SPRY3: variants seen among roughly 807,000 people sequenced by gnomAD.
The protein encoded by SPRY3 is protein sprouty homolog 3.
A neutral mutation model predicts 20.2 loss-of-function variants in SPRY3; 15 were observed. That is an observed-to-expected ratio of 0.74 (90% CI 0.50 to 1.14). SPRY3 has a LOEUF of 1.14. SPRY3 is among the 50% of genes most tolerant of loss of function. The pLI is 0.00. For missense variants in SPRY3, 364 were observed against 363.9 expected, an observed-to-expected ratio of 1.00 and a Z score of 0.00; for synonymous variants, 143 against 136.5, an observed-to-expected ratio of 1.05 and a Z score of -0.33.
intron 1 of SPRY3, among the ~76,000 whole-genome samples, chrX:155,635,343 A>T (rs1380527311): frequency 9.0e-6 from 1 of 111,374 alleles, no homozygotes; most frequent in Non-Finnish European, 1.9e-5. Context: ...GCCACAATAG[A>T]CATACATGTG....
chrX:155,731,287 G>A (rs1199070759), intron 2 of SPRY3, among the ~76,000 whole-genome samples: 1 of 152,036 alleles, frequency 6.6e-6, no homozygotes, highest in African/African-American at 2.4e-5. Flanking sequence ...AAAGAAAACA[G>A]CATGATACTG....
Position 155,684,331 on chromosome X carries a change from T to C in SPRY3, c.-282+27306T>C, listed in dbSNP as rs751344696. Among the ~76,000 whole-genome samples the C allele has an allele frequency of 2.0e-4, 22 of 111,344 alleles. No homozygotes were observed. The East Asian group carries it at 6.0e-3, about 30-fold the overall frequency. On this transcript the variant is annotated intron_variant, in intron 2 of 3. Transcript: ENST00000675360. ...AAGGCCAAGGAGCTTGGGATCCAGC[T>C]TGCAGCAGGTGAAGGGACTGGTCTT...
At chrX:155,672,583 G>A (rs1487464037) in intron 2 of SPRY3, among the ~76,000 whole-genome samples, 1 of 109,923 alleles carries the variant, frequency 9.1e-6, no homozygotes, top group Admixed American at 9.6e-5. Flanking sequence ...TGGAGAGGAT[G>A]TGGAGAAATA....
intron 2 of SPRY3, among the ~76,000 whole-genome samples, chrX:155,756,286 A>G (rs1302342550): frequency 6.6e-6 from 1 of 152,062 alleles, no homozygotes; most frequent in African/African-American, 2.4e-5. Context: ...ACTTCTGATT[A>G]ATGAGAAAAT....
intron 1 of SPRY3, among the ~76,000 whole-genome samples, chrX:155,619,597 G>A (rs782061071): frequency 5.9e-4 from 65 of 110,688 alleles, no homozygotes; most frequent in Non-Finnish European, 1.1e-3. Flanking sequence ...GCATAAGGAA[G>A]AAAACATGGG....
intron 2 of SPRY3, among the ~76,000 whole-genome samples, chrX:155,707,883 T>C (rs1414095199): frequency 1.3e-5 from 2 of 151,242 alleles, no homozygotes; most frequent in Non-Finnish European, 3.0e-5. Flanking sequence ...TATCCACCTT[T>C]TGATTAGAGT....
At chrX:155,777,143 C>G (rs2091432367), downstream of SPRY3, 1 of 167,012 alleles carries the variant, frequency 6.0e-6, no homozygotes, top group Non-Finnish European at 1.5e-5. Flanking sequence ...GCCCAGTTCT[C>G]TGGGTCAAGC....
exon 4 of SPRY3, chrX:155,775,814 C>G (rs1471870055): frequency 6.0e-6 from 1 of 167,088 alleles, no homozygotes; most frequent in Non-Finnish European, 1.5e-5. Flanking sequence ...GGTATGTTCT[C>G]TCTTAGAAGC....
chrX:155,659,104 C>CTTCTCT, intron 2 of SPRY3, among the ~76,000 whole-genome samples: 1 of 83,946 alleles, frequency 1.2e-5, no homozygotes, highest in East Asian at 4.0e-4. Flanking sequence ...TTTTTTCTTT[C>CTTCTCT]TTCTTTCTTT....
downstream of SPRY3, chrX:155,780,904 C>T (rs1371864613): frequency 6.0e-6 from 1 of 166,854 alleles, no homozygotes; most frequent in South Asian, 2.1e-4. Context: ...AGAAAAAAAG[C>T]TCTATAATCA....
intron 2 of SPRY3, among the ~76,000 whole-genome samples, chrX:155,691,675 A>G (rs2068102154): frequency 1.1e-5 from 1 of 87,619 alleles, no homozygotes; most frequent in Non-Finnish European, 2.1e-5. Context: ...TATTAGTTGT[A>G]CACATTTATA....
intron 2 of SPRY3, chrX:155,767,724 G>GGAGGAGGAGGAGAGA (rs1293287675): frequency 4.0e-5 from 4 of 99,294 alleles, no homozygotes; most frequent in South Asian, 2.9e-4. Context: ...AGGAGAAAGA[G>GGAGGAGGAGGAGAGA]GAGGAGGAGG....
intron 2 of SPRY3, among the ~76,000 whole-genome samples, chrX:155,672,325 G>A (rs1557354831): frequency 1.8e-5 from 2 of 108,732 alleles, no homozygotes; most frequent in African/African-American, 6.7e-5. Context: ...TCTGACAAAG[G>A]GCTAATATCC....
At chrX:155,666,444 C>T (rs901854343) in intron 2 of SPRY3, among the ~76,000 whole-genome samples, 2 of 110,605 alleles carry the variant, frequency 1.8e-5, no homozygotes, top group African/African-American at 6.6e-5. Context: ...CTGACTACAA[C>T]GCTGAGAGTT....
In SPRY3 at chrX:155,754,495, A is replaced by G. The variant is rs1180522342; in HGVS notation, c.-281-13467A>G. 3.3e-5 allele frequency among the ~76,000 whole-genome samples: 5 copies of G among 152,014 alleles called. No homozygotes were observed. The East Asian group carries it at 7.7e-4, about 23-fold the overall frequency. Reference sequence around the variant, plus strand: ...ACTATACCATCTTGATTACTGTAGTATTGTAGTAAGCTTTGAAGTCAGAAA... The same window carrying G: ...ACTATACCATCTTGATTACTGTAGTGTTGTAGTAAGCTTTGAAGTCAGAAA... On this transcript the variant is annotated intron_variant, in intron 2 of 3. Coordinates refer to ENST00000675360, the Ensembl canonical transcript of SPRY3.
chrX:155,664,679 C>G (rs1466761050), intron 2 of SPRY3, among the ~76,000 whole-genome samples: 1 of 109,894 alleles, frequency 9.1e-6, no homozygotes, highest in Admixed American at 9.8e-5. Flanking sequence ...AAAATTAGAT[C>G]AATACTTTAC....
intron 2 of SPRY3, among the ~76,000 whole-genome samples, chrX:155,673,570 C>G (rs1027541344): frequency 8.9e-6 from 1 of 111,827 alleles, no homozygotes; most frequent in Non-Finnish European, 1.9e-5. Context: ...GCCACCCTGA[C>G]TACTGGTTCT....
At chrX:155,659,714 G>T (rs2068004239) in intron 2 of SPRY3, among the ~76,000 whole-genome samples, 2 of 111,546 alleles carry the variant, frequency 1.8e-5, no homozygotes, top group South Asian at 7.5e-4. Context: ...ACTACTGGTT[G>T]TTGGTCTGTT....
chrX:155,744,855 T>G (rs756868025), intron 2 of SPRY3, among the ~76,000 whole-genome samples: 1 of 152,132 alleles, frequency 6.6e-6, no homozygotes, highest in East Asian at 1.9e-4. Flanking sequence ...CTTAGATTTT[T>G]CATGCTCCCC....
Sources: gnomAD v4.1 joint callset for allele counts (sites outside exome capture counted in the v4.1 genomes callset) on GRCh38, gnomAD v4.1.1 for gene constraint, MANE v1.5 for transcripts, NCBI Gene and HGNC (gene_info 2026-07-23, HGNC 2026-07-21) for gene names.